Variants in CCT2 observed in about 807,000 individuals in gnomAD.
The protein encoded by CCT2 is T-complex protein 1 subunit beta.
In CCT2, 18 loss-of-function variants were observed where a neutral mutation model predicts 61.8. That is an observed-to-expected ratio of 0.29 (90% CI 0.20 to 0.43). The LOEUF is 0.43. Among genes scored for constraint, CCT2 ranks in the 20% least tolerant of loss-of-function variants. The pLI is 1.00. For synonymous variants in CCT2, 248 were observed against 215.9 expected (o/e 1.15, Z -1.30); for missense variants, 556 against 656.9 (o/e 0.85, Z 1.68).
chr12:69,591,991 C>A, intron 7 of CCT2, 68 bp from the exon 8 acceptor site: 1 of 892,744 alleles, frequency 1.1e-6, no homozygotes, highest in Non-Finnish European at 1.8e-6. Context: ...AAGCAGACAG[C>A]TTTTTATAAG....
At position 69,587,028 on chromosome 12, in the gene CCT2, C is replaced by T. The variant is rs76817675; in HGVS notation, c.144+210C>T. 244 of 433,392 alleles carry T rather than the reference C, an allele frequency of 5.6e-4. 3 individuals are homozygous for T. In the East Asian group the frequency reaches 8.6e-3, roughly 15 times the overall value. The allele number at this position is 433,392 out of a possible 1,614,324, so 26.8% of individuals were successfully genotyped here. A position where few individuals can be genotyped will look rare whatever the true frequency, so the allele number is the denominator to read the frequency against. On this transcript the variant is annotated intron_variant, in intron 3 of 15. Coordinates refer to ENST00000299300, the MANE Select transcript of CCT2 (RefSeq NM_006431.3). Reference sequence around the variant, plus strand: ...ATGACAAGTACTGTTATCATTTGCACGTACATCTTCTAATATTCTGTTTAT... The same window carrying T: ...ATGACAAGTACTGTTATCATTTGCATGTACATCTTCTAATATTCTGTTTAT...
intron 11 of CCT2, 138 bp downstream of exon 11, chr12:69,597,413 G>A: frequency 8.5e-7 from 1 of 1,170,046 alleles, no homozygotes; most frequent in Non-Finnish European, 1.2e-6. Context: ...CTTTGTTTCA[G>A]TCTCTTGAGT....
chr12:69,598,224 T>C (rs1882047459), intron 13 of CCT2, 98 bp from the exon 14 acceptor site: 4 of 1,039,194 alleles, frequency 3.8e-6, no homozygotes, highest in Admixed American at 2.6e-5. Flanking sequence ...TTTTACATTG[T>C]TCCTAAATGT....
In CCT2 at chr12:69,585,851, G is replaced by C. The variant is rs2135847722; in HGVS notation, c.3+327G>C. The C allele has an allele frequency of 3.0e-5, 40 of 1,314,544 alleles. No homozygotes were observed. The South Asian group carries it at 6.8e-4, about 23-fold the overall frequency. 81.4% of individuals were successfully genotyped at this position (1,314,544 alleles called of 1,614,324 possible). A position where few individuals can be genotyped will look rare whatever the true frequency, so the allele number is the denominator to read the frequency against. On this transcript the variant is annotated intron_variant, in intron 1 of 15. Coordinates refer to ENST00000299300, the MANE Select transcript of CCT2 (RefSeq NM_006431.3). ...GCCCTCCTTCTAGGGGCGGAGCCTG[G>C]AGCGACGGGGTCTGAGCCATCAGAG...
rs770698251 is a variant in CCT2 at position 69,597,658 on chromosome 12, T to C, written c.1123T>C (p.Leu375=). 6.8e-6 allele frequency: 11 copies of C among 1,613,920 alleles called. No individual in the cohort carries two copies. The highest frequency in any genetic ancestry group is 9.3e-6 in the Non-Finnish European group (11 of 1,179,900). Residue 375 remains leucine, a synonymous_variant, in exon 12 of 16, where the codon TTG becomes CTG. Coordinates refer to ENST00000299300, the MANE Select transcript of CCT2 (RefSeq NM_006431.3). ...TTTAGGTGAGGCTTGTACCATTGTT[T>C]TGCGTGGTGCCACTCAACAAATTTT... ...VALGEACTIV[L]RGATQQILDE... is the part of the protein sequence containing the mutation.
Position 69,585,464 on chromosome 12 carries a change from G to T in CCT2, c.-58G>T. On this transcript the variant is annotated 5_prime_UTR_variant, in exon 1 of 16. Transcript: ENST00000299300. ...CGTCACTTCCGGCTTCCTTCAGTCCGCTGGTCCCGAGCACGAGCTGTGAGG... is the reference window on the plus strand; with the variant it reads ...CGTCACTTCCGGCTTCCTTCAGTCCTCTGGTCCCGAGCACGAGCTGTGAGG... The T allele has an allele frequency of 1.9e-6, 3 of 1,550,678 alleles. No homozygotes were observed. Among genetic ancestry groups the T allele is most frequent in the African/African-American group, 1.4e-5 (1 of 73,270 alleles).
At chr12:69,597,609 T>G in intron 11 of CCT2, 29 bp from the exon 12 acceptor site, 1 of 1,607,402 alleles carries the variant, frequency 6.2e-7, no homozygotes, top group South Asian at 1.1e-5. Context: ...TTTTTATCCC[T>G]AAGTGGTCAC....
Position 69,601,508 on chromosome 12 carries a change from A to G in CCT2, c.*183A>G. On this transcript the variant is annotated 3_prime_UTR_variant, in exon 16 of 16. Transcript: ENST00000299300. ...ATTTGCCGTGTCATTTTCCATACAA[A>G]TCAGTTGATTTAAAAAAGTTCATTT... is the stretch of plus-strand genomic sequence containing the variant. The G allele has an allele frequency of 1.4e-6, 2 of 1,444,444 alleles. No homozygotes were observed. The highest frequency in any genetic ancestry group is 9.1e-7 in the Non-Finnish European group (1 of 1,100,086). 89.5% of individuals were successfully genotyped at this position (1,444,444 alleles called of 1,614,324 possible).
intron 10 of CCT2, among the ~76,000 whole-genome samples, chr12:69,595,436 C>G (rs1264435311): frequency 2.6e-5 from 4 of 152,106 alleles, no homozygotes; most frequent in East Asian, 1.9e-4. Flanking sequence ...CGCCTTTAAT[C>G]CCAGCACTTT....
Position 69,589,704 on chromosome 12 carries a change from G to A in CCT2, c.649+17G>A, listed in dbSNP as rs765147961. The A allele has an allele frequency of 6.3e-7, 1 of 1,590,582 alleles. No individual in the cohort carries two copies. The highest frequency in any genetic ancestry group is 8.6e-7 in the Non-Finnish European group (1 of 1,163,966). On this transcript the variant is annotated intron_variant, in intron 7 of 15. Transcript: ENST00000299300. Reference sequence around the variant, plus strand: ...TAGATGAAGGTATGTATGAATGTCAGATACAAGAAGCTTTGATTAGATGCT... The same window carrying A: ...TAGATGAAGGTATGTATGAATGTCAAATACAAGAAGCTTTGATTAGATGCT...
chr12:69,587,795 GC>G (rs1881709594), intron 4 of CCT2, 134 bp from the exon 5 acceptor site: 2 of 784,216 alleles, frequency 2.6e-6, no homozygotes, highest in Admixed American at 4.6e-5. Flanking sequence ...TAAAACTGTT[GC>G]ATTTCAGACC....
At chr12:69,598,700 A>G (rs922124850) in intron 14 of CCT2, among the ~76,000 whole-genome samples, 4 of 152,250 alleles carry the variant, frequency 2.6e-5, no homozygotes, top group African/African-American at 9.6e-5. Context: ...CAATACTTAC[A>G]TTCTGAAAAA....
chr12:69,592,731 T>C (rs1881872526), intron 8 of CCT2: 2 of 329,982 alleles, frequency 6.1e-6, no homozygotes, highest in Non-Finnish European at 1.1e-5. Flanking sequence ...AAGGCCAGAC[T>C]GACCAATGTG....
At chr12:69,591,914 G>A (rs1881845631) in intron 7 of CCT2, 145 bp from the exon 8 acceptor site, 2 of 501,358 alleles carry the variant, frequency 4.0e-6, no homozygotes, top group Non-Finnish European at 7.3e-6. Flanking sequence ...GGACAAGCTT[G>A]CTTTTATGCC....
rs919968433 is a variant in CCT2, at chr12:69,590,017, T to G, written c.649+330T>G. Among the ~76,000 whole-genome samples, 62 of 152,238 alleles carry G rather than the reference T, an allele frequency of 4.1e-4. 2 individuals carry two copies. Among genetic ancestry groups the G allele is most frequent in the Non-Finnish European group, 1.5e-5 (1 of 68,040 alleles). On this transcript the variant is annotated intron_variant, in intron 7 of 15. Coordinates refer to ENST00000299300, the MANE Select transcript of CCT2 (RefSeq NM_006431.3). ...TTATATGTATTCTCCAGGAAGGGTCTGGGTCAGTCAAATCATTGTGTTAGC... is the reference window on the plus strand; with the variant it reads ...TTATATGTATTCTCCAGGAAGGGTCGGGGTCAGTCAAATCATTGTGTTAGC...
rs1392078249 is a variant in CCT2 at position 69,597,188 on chromosome 12, G to A, written c.1015G>A (p.Glu339Lys). Residue 339 changes from glutamate to lysine, a missense_variant, in exon 11 of 16, where the codon GAA (glutamate) becomes AAA (lysine). Physicochemically the swap from Glu to Lys is moderately conservative, Grantham distance 56. This residue lies in a region of CCT2 where 225 missense variants were observed against 249.8 expected (regional missense o/e 0.90). Transcript: ENST00000299300. ...GEIASTFDHP[E>K]LVKLGSCKLI... is the part of the protein sequence containing the mutation. ...AATTGCCTCTACCTTTGATCACCCA[G>A]AACTGGTGAAGCTTGGAAGTTGCAA... The A allele has an allele frequency of 4.3e-6, 7 of 1,613,800 alleles. No individual in the cohort carries two copies. The highest frequency in any genetic ancestry group is 5.1e-6 in the Non-Finnish European group (6 of 1,179,744).
chr12:69,586,139 A>G, intron 1 of CCT2, 131 bp from the exon 2 acceptor site: 1 of 1,125,906 alleles, frequency 8.9e-7, no homozygotes, highest in Non-Finnish European at 1.3e-6. Context: ...TGGAAGCTTC[A>G]TTTGATTGAA....
chr12:69,585,533 G>A lies in CCT2; in HGVS notation c.3+9G>A, dbSNP rs1440356400. 1.3e-6 allele frequency: 2 copies of A among 1,570,694 alleles called. No homozygotes were observed. The highest frequency in any genetic ancestry group is 1.7e-6 in the Non-Finnish European group (2 of 1,157,136). On this transcript the variant is annotated intron_variant, in intron 1 of 15. Coordinates refer to ENST00000299300, the MANE Select transcript of CCT2 (RefSeq NM_006431.3). ...AACTCCTCGGAACCATGGTGAGCCT[G>A]ACTCCCCTGCCTCTTGCCCTACCCC...
Position 69,597,618 on chromosome 12 carries a change from A to T in CCT2, c.1103-20A>T. On this transcript the variant is annotated intron_variant, in intron 11 of 15. Transcript: ENST00000299300. ...GCAAACTTTTTATCCCTAAGTGGTC[A>T]CTGTGTCTTTTAATTTTAGGTGAGG... 6.2e-7 allele frequency: 1 copy of T among 1,609,178 alleles called. No individual in the cohort carries two copies. The highest frequency in any genetic ancestry group is 8.5e-7 in the Non-Finnish European group (1 of 1,178,534).
Sources: allele counts gnomAD v4.1 joint callset (sites outside exome capture counted in the v4.1 genomes callset), GRCh38; gene constraint gnomAD v4.1.1; regional missense constraint gnomAD v4.1.1; transcripts MANE v1.5; gene names NCBI Gene and HGNC (gene_info 2026-07-23, HGNC 2026-07-21).